Variants in SMIM36 observed in about 807,000 individuals in gnomAD.
The protein encoded by SMIM36 is small integral membrane protein 36.
chr17:55,522,535 A>G, the SMIM36 span, among the ~76,000 whole-genome samples: 1 of 152,004 alleles, frequency 6.6e-6, no homozygotes, highest in Non-Finnish European at 1.5e-5. Flanking sequence ...GTGCAGGGGA[A>G]CTCCCATTTA....
At chr17:55,511,454 T>C (rs1910181462), upstream of SMIM36, 1 of 395,344 alleles carries the variant, frequency 2.5e-6, no homozygotes, top group East Asian at 3.6e-5. Context: ...TAAAAATACA[T>C]TAATCCCTAC....
the SMIM36 span, among the ~76,000 whole-genome samples, chr17:55,524,987 A>G: frequency 1.3e-5 from 2 of 152,192 alleles, no homozygotes; most frequent in Non-Finnish European, 2.9e-5. Context: ...CCTCCATTTT[A>G]CAGATGAGAA....
intron 1 of SMIM36, among the ~76,000 whole-genome samples, chr17:55,484,485 C>T (rs1325866088): frequency 6.6e-6 from 1 of 152,188 alleles, no homozygotes; most frequent in African/African-American, 2.4e-5. Flanking sequence ...TGCTTATATT[C>T]CCAGAATTCA....
rs1175950177 is a variant in SMIM36, at chr17:55,502,985, C to T, written c.*174+7894G>A. ...AAGAAAGGGTGTCAGCAATGGAAGACGAAATGAATGAAGTGAAGCGAGAAG... is the reference window on the plus strand; with the variant it reads ...AAGAAAGGGTGTCAGCAATGGAAGATGAAATGAATGAAGTGAAGCGAGAAG... On this transcript the variant is annotated intron_variant, in intron 1 of 4. Coordinates refer to ENST00000636752, the Ensembl canonical transcript of SMIM36. Among the ~76,000 whole-genome samples the T allele has an allele frequency of 2.7e-3, 407 of 149,816 alleles. 2 individuals carry two copies. Among genetic ancestry groups the T allele is most frequent in the African/African-American group, 9.5e-3 (376 of 39,486 alleles).
chr17:55,487,730 T>C (rs1909631638), intron 1 of SMIM36, among the ~76,000 whole-genome samples: 1 of 152,104 alleles, frequency 6.6e-6, no homozygotes. Context: ...TCCAGCAGTA[T>C]CACCCTTGGG....
the SMIM36 span, among the ~76,000 whole-genome samples, chr17:55,522,162 T>A: frequency 9.1e-4 from 138 of 152,312 alleles, no homozygotes; most frequent in African/African-American, 3.2e-3. Context: ...TCTAGCCACT[T>A]CGGTGTTTTT....
chr17:55,473,656 AC>A (rs1452782045), intron 3 of SMIM36, among the ~76,000 whole-genome samples: 2 of 152,134 alleles, frequency 1.3e-5, no homozygotes, highest in Non-Finnish European at 2.9e-5. Context: ...CCTCCAACTT[AC>A]AAAGGATTGG....
upstream of SMIM36, among the ~76,000 whole-genome samples, chr17:55,515,963 C>G (rs1910269307): frequency 6.6e-6 from 1 of 152,108 alleles, no homozygotes; most frequent in South Asian, 2.1e-4. Flanking sequence ...GGTGCTTGCC[C>G]CTTATAGACT....
intron 1 of SMIM36, among the ~76,000 whole-genome samples, chr17:55,489,255 G>A (rs527880627): frequency 2.6e-5 from 4 of 152,096 alleles, no homozygotes; most frequent in Non-Finnish European, 1.5e-5. Context: ...GTGCATGCCT[G>A]TAATCCCAGT....
intron 4 of SMIM36, among the ~76,000 whole-genome samples, chr17:55,451,012 G>A (rs1440716913): frequency 6.6e-6 from 1 of 152,136 alleles, no homozygotes; most frequent in African/African-American, 2.4e-5. Context: ...TCAGCCTCTT[G>A]AGTAGCTGGA....
the SMIM36 span, chr17:55,526,972 A>T: frequency 6.6e-6 from 1 of 152,146 alleles, no homozygotes; most frequent in Non-Finnish European, 1.5e-5. Context: ...CACTCTTAAG[A>T]TCATTTTATT....
chr17:55,484,224 G>A (rs542303179), intron 1 of SMIM36, among the ~76,000 whole-genome samples: 3 of 152,198 alleles, frequency 2.0e-5, no homozygotes, highest in African/African-American at 4.8e-5. Flanking sequence ...TCAACTTCCC[G>A]TTCTGAAAAT....
At chr17:55,525,396 A>G in the SMIM36 span, among the ~76,000 whole-genome samples, 2 of 152,106 alleles carry the variant, frequency 1.3e-5, no homozygotes, top group Non-Finnish European at 2.9e-5. Context: ...CTTTAATACC[A>G]AGTCCAAATC....
At position 55,459,677 on chromosome 17, in the gene SMIM36, G is replaced by T. The variant is rs893867192; in HGVS notation, c.*531+7468C>A. 3.9e-5 allele frequency among the ~76,000 whole-genome samples: 6 copies of T among 152,260 alleles called. No individual in the cohort carries two copies. The South Asian group carries it at 6.2e-4, about 16-fold the overall frequency. On this transcript the variant is annotated intron_variant, in intron 4 of 4. Coordinates refer to ENST00000636752, the Ensembl canonical transcript of SMIM36. ...TTAAAATGATTTCTCTACCCCAAAG[G>T]TTTAGCAACATGCCTAGAATAGATG...
intron 1 of SMIM36, among the ~76,000 whole-genome samples, chr17:55,501,785 G>A (rs1308025809): frequency 6.6e-6 from 1 of 151,408 alleles, no homozygotes; most frequent in Non-Finnish European, 1.5e-5. Flanking sequence ...CGACGCAGAA[G>A]ACCGGTGATT....
chr17:55,514,642 C>T (rs915566557), upstream of SMIM36, among the ~76,000 whole-genome samples: 1 of 152,138 alleles, frequency 6.6e-6, no homozygotes, highest in African/African-American at 2.4e-5. Context: ...GCATTCAAGA[C>T]CCATTGGGCA....
chr17:55,473,069 G>A (rs940453521), intron 3 of SMIM36, among the ~76,000 whole-genome samples: 1 of 151,984 alleles, frequency 6.6e-6, no homozygotes, highest in African/African-American at 2.4e-5. Flanking sequence ...AGGGCAAGTG[G>A]TTCTTAGATC....
At chr17:55,500,627 G>C (rs1909892884) in intron 1 of SMIM36, among the ~76,000 whole-genome samples, 1 of 149,726 alleles carries the variant, frequency 6.7e-6, no homozygotes, top group African/African-American at 2.5e-5. Flanking sequence ...TTCCGAGAGA[G>C]AAATATAAAA....
intron 1 of SMIM36, among the ~76,000 whole-genome samples, chr17:55,485,948 A>G (rs1261120313): frequency 6.6e-6 from 1 of 152,100 alleles, no homozygotes; most frequent in Admixed American, 6.5e-5. Context: ...AATTTCCAAG[A>G]GTAGAGTAGT....
Sources: gnomAD v4.1 joint callset for allele counts (sites outside exome capture counted in the v4.1 genomes callset) on GRCh38, gnomAD v4.1.1 for gene constraint, MANE v1.5 for transcripts, NCBI Gene and HGNC (gene_info 2026-07-23, HGNC 2026-07-21) for gene names.